The following TPGS2 variants were observed in gnomAD, a reference collection of about 807,000 sequenced individuals.
The protein encoded by TPGS2 is polyglutamylase subunit 2.
A neutral mutation model predicts 31.1 loss-of-function variants in TPGS2; 26 were observed. The observed-to-expected ratio is 0.84, with a 90% CI of 0.61 to 1.16. The LOEUF is 1.16. Among genes scored for constraint, TPGS2 ranks in the 50% most tolerant of loss-of-function variants. The pLI, the probability that TPGS2 is intolerant of heterozygous loss-of-function variation, is 0.00. For missense variants in TPGS2, 351 were observed against 363.8 expected, an observed-to-expected ratio of 0.96 and a Z score of 0.29; for synonymous variants, 130 against 136.6, an observed-to-expected ratio of 0.95 and a Z score of 0.34.
At position 36,805,652 on chromosome 18, in the gene TPGS2, C is replaced by T. The variant is rs549836642; in HGVS notation, c.254-150G>A. ...GGAAGGTGGGAAGAAGAGGATTACT[C>T]ACTGCATATTCCAAAGTACCAACCT... On this transcript the variant is annotated intron_variant, in intron 3 of 6. Coordinates refer to ENST00000334295, the MANE Select transcript of TPGS2 (RefSeq NM_015476.4). 30 of 1,119,096 alleles carry T rather than the reference C, an allele frequency of 2.7e-5. No individual in the cohort carries two copies. The South Asian group carries it at 4.5e-4, about 17-fold the overall frequency. 69.3% of individuals were successfully genotyped at this position (1,119,096 alleles called of 1,614,324 possible).
At chr18:36,802,080 A>G (rs1005239581) in intron 4 of TPGS2, among the ~76,000 whole-genome samples, 7 of 152,226 alleles carry the variant, frequency 4.6e-5, no homozygotes, top group Non-Finnish European at 1.0e-4. Context: ...TTAGCCACCA[A>G]TAATCCAAAC....
chr18:36,783,370 G>C (rs1208570912), intron 6 of TPGS2, among the ~76,000 whole-genome samples: 1 of 152,150 alleles, frequency 6.6e-6, no homozygotes, highest in African/African-American at 2.4e-5. Context: ...AATTACCATA[G>C]GTGTTCTTGC....
chr18:36,819,429 G>A (rs2045802631), intron 1 of TPGS2, among the ~76,000 whole-genome samples: 1 of 152,158 alleles, frequency 6.6e-6, no homozygotes, highest in South Asian at 2.1e-4. Flanking sequence ...TACTCTGTGA[G>A]GTCTAGGATT....
At chr18:36,823,719 C>T in intron 1 of TPGS2, 1 of 533,154 alleles carries the variant, frequency 1.9e-6, no homozygotes, top group Non-Finnish European at 2.4e-6. Context: ...CTCGGCCTCC[C>T]AAAGTGCTGG....
chr18:36,780,217 T>C, downstream of TPGS2: 1 of 1,229,776 alleles, frequency 8.1e-7, no homozygotes, highest in Non-Finnish European at 1.0e-6. Context: ...GTGAGTAACA[T>C]CAACAGTGTG....
At position 36,794,234 on chromosome 18, in the gene TPGS2, A is replaced by AATG. The variant is rs2044419107; in HGVS notation, c.*2568_*2570dup. 5 of 963,872 alleles carry AATG rather than the reference A, an allele frequency of 5.2e-6. No homozygotes were observed. The South Asian group carries it at 1.4e-4, about 28-fold the overall frequency. 59.7% of individuals were successfully genotyped at this position (963,872 alleles called of 1,614,324 possible). On this transcript the variant is annotated 3_prime_UTR_variant, in exon 7 of 7. Coordinates refer to ENST00000334295, the MANE Select transcript of TPGS2 (RefSeq NM_015476.4). ...ATTACATTTTAGTACCTGTAAAGGT[A>AATG]ATGTTTTCCTGCTGTTTGCACAAAA...
chr18:36,802,820 G>T (rs1280000830), intron 4 of TPGS2, among the ~76,000 whole-genome samples: 7 of 152,012 alleles, frequency 4.6e-5, no homozygotes, highest in Non-Finnish European at 1.0e-4. Context: ...TAGAGACGGG[G>T]TTTCACCATG....
downstream of TPGS2, among the ~76,000 whole-genome samples, chr18:36,790,835 T>C (rs555766687): frequency 3.3e-5 from 5 of 152,350 alleles, no homozygotes; most frequent in South Asian, 1.0e-3. Context: ...TAGCACAAGA[T>C]TATGTATTAA....
intron 2 of TPGS2, among the ~76,000 whole-genome samples, chr18:36,811,643 T>C (rs1341245845): frequency 6.6e-6 from 1 of 152,092 alleles, no homozygotes; most frequent in Non-Finnish European, 1.5e-5. Flanking sequence ...GCTTCAGAGA[T>C]GGTGGGTGTG....
chr18:36,781,348 T>A (rs940080304), downstream of TPGS2, among the ~76,000 whole-genome samples: 3 of 152,186 alleles, frequency 2.0e-5, no homozygotes, highest in African/African-American at 7.2e-5. Flanking sequence ...ATTCCACCTT[T>A]GTCCTACTTT....
downstream of TPGS2, among the ~76,000 whole-genome samples, chr18:36,793,642 G>A (rs2044391690): frequency 6.6e-6 from 1 of 152,088 alleles, no homozygotes; most frequent in Admixed American, 6.5e-5. Flanking sequence ...TGGCAAGAAC[G>A]AAATACATAT....
chr18:36,805,392 C>T lies in TPGS2; in HGVS notation c.364G>A (p.Glu122Lys), dbSNP rs562703180. Reference sequence around the variant, plus strand: ...TTCCTACCTTCATGTGTATCGTCCTCCAGGTCTGCCAGAGTGGGTGCATTA... The same window carrying T: ...TTCCTACCTTCATGTGTATCGTCCTTCAGGTCTGCCAGAGTGGGTGCATTA... ...LPNAPTLADL[E>K]DDTHEASDDQ... The change falls in exon 4 of 7, where the codon GAG becomes AAG. Residue 122 changes from glutamate to lysine, a missense_variant. Glu to Lys is a moderately conservative substitution (Grantham distance 56). Transcript: ENST00000334295. 4 of 1,613,952 alleles carry T rather than the reference C, an allele frequency of 2.5e-6. No individual in the cohort carries two copies. The highest frequency in any genetic ancestry group is 2.2e-5 in the East Asian group (1 of 44,878).
intron 2 of TPGS2, 78 bp downstream of exon 2, chr18:36,818,816 C>T (rs2045771237): frequency 1.5e-6 from 2 of 1,298,710 alleles, no homozygotes; most frequent in African/African-American, 1.5e-5. Context: ...TATTCTTCCT[C>T]CCCTAATCTT....
chr18:36,793,053 C>A (rs2044369738), downstream of TPGS2, among the ~76,000 whole-genome samples: 1 of 152,188 alleles, frequency 6.6e-6, no homozygotes, highest in East Asian at 1.9e-4. Context: ...CAGAAGCGCT[C>A]CCCTCCTCCT....
intron 2 of TPGS2, among the ~76,000 whole-genome samples, chr18:36,810,366 C>A (rs1383519191): frequency 6.6e-6 from 1 of 151,668 alleles, no homozygotes; most frequent in Non-Finnish European, 1.5e-5. Context: ...TTTTTTCTGG[C>A]CAGTGACTCA....
intron 2 of TPGS2, among the ~76,000 whole-genome samples, chr18:36,808,625 G>C (rs1329095141): frequency 6.6e-6 from 1 of 151,650 alleles, no homozygotes; most frequent in Admixed American, 6.6e-5. Flanking sequence ...GTGACAAAGA[G>C]AGACTCCATC....
In TPGS2 at chr18:36,828,884, G is replaced by A. The variant is rs1382570991; in HGVS notation, c.-117C>T. Reference sequence around the variant, plus strand: ...GGTAGTTCTCGGCGCCTGAAAGCGCGGCGCAGTGATGATGGGGGCCCGGGG... The same window carrying A: ...GGTAGTTCTCGGCGCCTGAAAGCGCAGCGCAGTGATGATGGGGGCCCGGGG... On this transcript the variant is annotated 5_prime_UTR_variant, in exon 1 of 7. Transcript: ENST00000334295. 13 of 1,306,746 alleles carry A rather than the reference G, an allele frequency of 9.9e-6. No individual in the cohort carries two copies. In the Admixed American group the frequency reaches 1.9e-4, roughly 20 times the overall value. The allele number at this position is 1,306,746 out of a possible 1,614,324, so 80.9% of individuals were successfully genotyped here. A position where few individuals can be genotyped will look rare whatever the true frequency, so the allele number is the denominator to read the frequency against.
intron 2 of TPGS2, among the ~76,000 whole-genome samples, chr18:36,811,486 GCAC>G (rs1252254279): frequency 6.6e-6 from 1 of 152,120 alleles, no homozygotes; most frequent in Non-Finnish European, 1.5e-5. Flanking sequence ...CTGTCTAGAG[GCAC>G]CACAAGTCTT....
intron 4 of TPGS2, among the ~76,000 whole-genome samples, chr18:36,800,814 C>T (rs1369111329): frequency 2.0e-5 from 3 of 152,020 alleles, no homozygotes; most frequent in East Asian, 1.9e-4. Flanking sequence ...TTCAGCCTCC[C>T]GAGTAGCTGG....
Sources: allele counts gnomAD v4.1 joint callset (sites outside exome capture counted in the v4.1 genomes callset), GRCh38; gene constraint gnomAD v4.1.1; transcripts MANE v1.5; gene names NCBI Gene and HGNC (gene_info 2026-07-23, HGNC 2026-07-21).